Variants in PPP2R5E observed in about 807,000 individuals in gnomAD.
The protein encoded by PPP2R5E is protein phosphatase 2 regulatory subunit B'epsilon.
A neutral mutation model predicts 65.3 loss-of-function variants in PPP2R5E; 4 were observed. The ratio of observed to expected loss-of-function variants is 0.06; its 90% CI spans 0.03 to 0.14. PPP2R5E has a LOEUF of 0.14. Ranked by LOEUF, PPP2R5E falls within the 10% of genes least tolerant of loss-of-function variation. The pLI is 1.00. For synonymous variants in PPP2R5E, 183 were observed against 187.4 expected (o/e 0.98, Z 0.19); for missense variants, 274 against 556.1 (o/e 0.49, Z 5.10).
intron 11 of PPP2R5E, among the ~76,000 whole-genome samples, chr14:63,386,803 G>A (rs11845403): frequency 5.1e-4 from 77 of 151,850 alleles, no homozygotes; most frequent in African/African-American, 1.8e-3. Context: ...GCATGCCTGT[G>A]GTCCCAGCTA....
At chr14:63,486,741 T>A (rs1002298913) in intron 2 of PPP2R5E, among the ~76,000 whole-genome samples, 1 of 152,114 alleles carries the variant, frequency 6.6e-6, no homozygotes, top group African/African-American at 2.4e-5. Context: ...GCTAATCCCA[T>A]GTCTAACCCC....
intron 2 of PPP2R5E, among the ~76,000 whole-genome samples, chr14:63,475,273 T>C (rs568458218): frequency 6.6e-6 from 1 of 152,398 alleles, no homozygotes; most frequent in South Asian, 2.1e-4. Context: ...GTAGAAGCTC[T>C]GGGCCACATT....
At chr14:63,538,888 T>G (rs1483451745) in intron 2 of PPP2R5E, among the ~76,000 whole-genome samples, 1 of 151,908 alleles carries the variant, frequency 6.6e-6, no homozygotes, top group Non-Finnish European at 1.5e-5. Flanking sequence ...GAGGTTGCTG[T>G]GAACCAGCCT....
intron 3 of PPP2R5E, among the ~76,000 whole-genome samples, chr14:63,446,562 G>A (rs1888486286): frequency 6.6e-6 from 1 of 152,090 alleles, no homozygotes; most frequent in Non-Finnish European, 1.5e-5. Context: ...GGGCACGGTG[G>A]CTCACGCCTG....
At chr14:63,530,189 C>A (rs1893353270) in intron 2 of PPP2R5E, among the ~76,000 whole-genome samples, 1 of 151,350 alleles carries the variant, frequency 6.6e-6, no homozygotes, top group Non-Finnish European at 1.5e-5. Context: ...ACTGTCCCAA[C>A]CAGAAATCCA....
chr14:63,427,944 G>A (rs902779240), intron 3 of PPP2R5E, among the ~76,000 whole-genome samples: 3 of 152,108 alleles, frequency 2.0e-5, no homozygotes, highest in East Asian at 1.9e-4. Flanking sequence ...CCTGAAGACC[G>A]TGGATGGACC....
intron 2 of PPP2R5E, among the ~76,000 whole-genome samples, chr14:63,456,811 C>A (rs1484343789): frequency 1.3e-5 from 2 of 152,190 alleles, no homozygotes; most frequent in African/African-American, 4.8e-5. Flanking sequence ...AGGAAGAAAG[C>A]AGACAAAATG....
At chr14:63,459,389 C>CACAGCAATTCA (rs1889329921) in intron 2 of PPP2R5E, among the ~76,000 whole-genome samples, 1 of 152,136 alleles carries the variant, frequency 6.6e-6, no homozygotes, top group Admixed American at 6.5e-5. Context: ...GCTTTTGACA[C>CACAGCAATTCA]CAGTAAATCA....
At chr14:63,492,460 T>A (rs1594936870) in intron 2 of PPP2R5E, among the ~76,000 whole-genome samples, 1 of 152,256 alleles carries the variant, frequency 6.6e-6, no homozygotes, top group East Asian at 1.9e-4. Context: ...GTATTCCATG[T>A]TATTATGGCT....
chr14:63,485,438 G>C (rs1890937492), intron 2 of PPP2R5E, among the ~76,000 whole-genome samples: 1 of 151,968 alleles, frequency 6.6e-6, no homozygotes, highest in African/African-American at 2.4e-5. Context: ...TTTTGAGACG[G>C]AGTTTCACTC....
intron 4 of PPP2R5E, among the ~76,000 whole-genome samples, chr14:63,421,710 C>T (rs995906792): frequency 6.6e-6 from 1 of 152,154 alleles, no homozygotes; most frequent in Non-Finnish European, 1.5e-5. Flanking sequence ...TTGTTGGAGG[C>T]TCTAGAGGGC....
At chr14:63,541,222 A>G (rs750578840) in intron 1 of PPP2R5E, among the ~76,000 whole-genome samples, 3 of 152,246 alleles carry the variant, frequency 2.0e-5, no homozygotes, top group Non-Finnish European at 2.9e-5. Context: ...AAAATATTTC[A>G]AATAAGTCTT....
At chr14:63,490,397 TTAAAC>T (rs1891226341) in intron 2 of PPP2R5E, among the ~76,000 whole-genome samples, 1 of 152,030 alleles carries the variant, frequency 6.6e-6, no homozygotes, top group Non-Finnish European at 1.5e-5. Flanking sequence ...TGGAACCTAA[TTAAAC>T]TAAAGCACTT....
intron 2 of PPP2R5E, among the ~76,000 whole-genome samples, chr14:63,498,233 C>T (rs1891678365): frequency 6.6e-6 from 1 of 152,090 alleles, no homozygotes; most frequent in Admixed American, 6.5e-5. Context: ...GGTTTTTATT[C>T]AGTGAAAAAG....
intron 2 of PPP2R5E, among the ~76,000 whole-genome samples, chr14:63,534,821 T>A (rs1893600215): frequency 6.6e-6 from 1 of 152,142 alleles, no homozygotes; most frequent in African/African-American, 2.4e-5. Flanking sequence ...GGTCTCACTA[T>A]GTTGCGTAGG....
intron 3 of PPP2R5E, among the ~76,000 whole-genome samples, chr14:63,436,686 A>T (rs1191437815): frequency 6.6e-6 from 1 of 152,252 alleles, no homozygotes; most frequent in African/African-American, 2.4e-5. Flanking sequence ...CAGGACAGCC[A>T]GCCCTCCCCG....
chr14:63,484,347 T>TCTCACA lies in PPP2R5E; in HGVS notation c.158-30463_158-30462insTGTGAG, dbSNP rs758248092. Reference sequence around the variant, plus strand: ...CTTTCTTTCTCTTTCTCTCTCTCTCTCACACACACACACACACACACACAC... The same window carrying TCTCACA: ...CTTTCTTTCTCTTTCTCTCTCTCTCTCTCACACACACACACACACACACACACACAC... On this transcript the variant is annotated intron_variant, in intron 2 of 13. Transcript: ENST00000337537. Among the ~76,000 whole-genome samples the TCTCACA allele has an allele frequency of 4.0e-3, 559 of 139,656 alleles. 2 individuals are homozygous for TCTCACA. Among genetic ancestry groups the TCTCACA allele is most frequent in the East Asian group, 0.038 (183 of 4,788 alleles). The allele number at this position is 139,656 out of a possible 152,430, so 91.6% of individuals were successfully genotyped here.
At chr14:63,538,402 G>A (rs184851004) in intron 2 of PPP2R5E, among the ~76,000 whole-genome samples, 203 of 151,920 alleles carry the variant, frequency 1.3e-3, no homozygotes, top group African/African-American at 4.4e-3. Context: ...TGGGATTACA[G>A]GTGCCACCAC....
intron 3 of PPP2R5E, among the ~76,000 whole-genome samples, chr14:63,449,872 A>ATTTTTT (rs35931655): frequency 4.7e-5 from 5 of 105,400 alleles, no homozygotes; most frequent in Admixed American, 1.0e-4. Context: ...TTCTTTTCCT[A>ATTTTTT]TTTTTTTTTT....
Sources: gnomAD v4.1 joint callset for allele counts (sites outside exome capture counted in the v4.1 genomes callset) on GRCh38, gnomAD v4.1.1 for gene constraint, MANE v1.5 for transcripts, NCBI Gene and HGNC (gene_info 2026-07-23, HGNC 2026-07-21) for gene names.